The following TIAM1 variants were observed in gnomAD, a reference collection of about 807,000 sequenced individuals.
TIAM1 encodes the protein rho guanine nucleotide exchange factor TIAM1.
In TIAM1, 65 loss-of-function variants were observed where a neutral mutation model predicts 163.5. The ratio of observed to expected loss-of-function variants is 0.40; its 90% CI spans 0.33 to 0.49. The LOEUF (loss-of-function observed/expected upper bound fraction) is 0.49. TIAM1 is among the 20% of genes least tolerant of loss of function. TIAM1 has a pLI of 0.77. For synonymous variants in TIAM1, 833 were observed against 810.1 expected (o/e 1.03, Z -0.48); for missense variants, 1,789 against 2,044.7 (o/e 0.87, Z 2.41).
Position 31,377,822 on chromosome 21 carries a change from T to A in TIAM1, c.-368-38400A>T, listed in dbSNP as rs2076713195. Among the ~76,000 whole-genome samples the A allele has an allele frequency of 1.2e-4, 18 of 149,878 alleles. No individual in the cohort carries two copies. The South Asian group carries it at 3.8e-3, about 32-fold the overall frequency. ...GTCAGCAGCTACATTTTTCACTGTG[T>A]CCATTGAGGAATAAGAAAAAAAAAA... On this transcript the variant is annotated intron_variant, in intron 2 of 28. Coordinates refer to the TIAM1 transcript ENST00000286827.
chr21:31,386,581 T>C (rs2076875606), intron 2 of TIAM1, among the ~76,000 whole-genome samples: 1 of 152,168 alleles, frequency 6.6e-6, no homozygotes, highest in Non-Finnish European at 1.5e-5. Context: ...GTGAGGCTAT[T>C]TCTCCCTGAG....
chr21:31,386,594 G>T (rs1367824869), intron 2 of TIAM1, among the ~76,000 whole-genome samples: 1 of 152,116 alleles, frequency 6.6e-6, no homozygotes, highest in East Asian at 1.9e-4. Context: ...TCCCTGAGGG[G>T]ACTACTTGGG....
chr21:31,196,032 C>T (rs2085834047), intron 12 of TIAM1, among the ~76,000 whole-genome samples: 1 of 152,068 alleles, frequency 6.6e-6, no homozygotes, highest in South Asian at 2.1e-4. Flanking sequence ...TCTGACAAAG[C>T]TGTAATATCC....
At chr21:31,554,501 C>T (rs544574233) in intron 1 of TIAM1, among the ~76,000 whole-genome samples, 1 of 152,252 alleles carries the variant, frequency 6.6e-6, no homozygotes, top group African/African-American at 2.4e-5. Context: ...GCCCCCACTC[C>T]AACTACACCC....
At chr21:31,469,427 A>G (rs1181821914) in intron 1 of TIAM1, among the ~76,000 whole-genome samples, 1 of 151,938 alleles carries the variant, frequency 6.6e-6, no homozygotes, top group African/African-American at 2.4e-5. Context: ...CTCCGTGAAA[A>G]CACTTTCTCT....
At chr21:31,275,923 G>A (rs1012139218) in intron 3 of TIAM1, among the ~76,000 whole-genome samples, 1 of 151,932 alleles carries the variant, frequency 6.6e-6, no homozygotes, top group African/African-American at 2.4e-5. Context: ...ACTCCCCTGA[G>A]GTATTTAAAA....
chr21:31,368,967 T>C (rs904587460), intron 2 of TIAM1, among the ~76,000 whole-genome samples: 14 of 152,042 alleles, frequency 9.2e-5, no homozygotes, highest in African/African-American at 1.4e-4. Flanking sequence ...AGGTCGGGCG[T>C]GGTGGCTCAC....
At chr21:31,537,504 C>T (rs1167220301) in intron 1 of TIAM1, among the ~76,000 whole-genome samples, 1 of 151,228 alleles carries the variant, frequency 6.6e-6, no homozygotes, top group African/African-American at 2.4e-5. Context: ...GTTATCCCAG[C>T]ACTTTGGGAG....
chr21:31,322,454 G>C (rs1418583618), intron 2 of TIAM1, among the ~76,000 whole-genome samples: 1 of 143,568 alleles, frequency 7.0e-6, no homozygotes, highest in Non-Finnish European at 1.5e-5. Context: ...TGGGTGGGGG[G>C]GGGTGCCATC....
intron 23 of TIAM1, among the ~76,000 whole-genome samples, chr21:31,134,349 A>G (rs2082534905): frequency 6.6e-6 from 1 of 152,148 alleles, no homozygotes; most frequent in African/African-American, 2.4e-5. Flanking sequence ...AGAAGAAATC[A>G]CTATAGAAGA....
intron 2 of TIAM1, among the ~76,000 whole-genome samples, chr21:31,413,735 T>C (rs1448901340): frequency 2.0e-5 from 3 of 152,228 alleles, no homozygotes; most frequent in Non-Finnish European, 4.4e-5. Context: ...ACAGATATGC[T>C]GTTTCTTGAT....
In TIAM1 at chr21:31,421,554, G is replaced by A. The variant is rs187496945; in HGVS notation, c.-369+42429C>T. Among the ~76,000 whole-genome samples the A allele has an allele frequency of 8.4e-4, 128 of 152,272 alleles. 1 individual carries two copies. Among genetic ancestry groups the A allele is most frequent in the Non-Finnish European group, 1.5e-3 (104 of 68,030 alleles). On this transcript the variant is annotated intron_variant, in intron 2 of 28. Coordinates refer to the TIAM1 transcript ENST00000286827. ...GGCGCACGCGAGGGATCTAGGTTGC[G>A]CACTCCTTATGAGAATCGAATGCCG...
chr21:31,235,701 T>G (rs2088712842), intron 6 of TIAM1, among the ~76,000 whole-genome samples: 1 of 152,236 alleles, frequency 6.6e-6, no homozygotes, highest in Non-Finnish European at 1.5e-5. Context: ...ATGCTGATAT[T>G]GATTTAATAC....
chr21:31,285,331 G>C (rs973413284), intron 2 of TIAM1, among the ~76,000 whole-genome samples: 1 of 152,174 alleles, frequency 6.6e-6, no homozygotes, highest in South Asian at 2.1e-4. Flanking sequence ...TTGGCAACAA[G>C]GGCTGGGACT....
rs1307652427 is a variant in TIAM1, at chr21:31,184,379, TA to T, written c.2663-1735del. ...CCTTGGCCTCCCAAAGTGCTGGGAT[TA>T]CAGGTGTGAGCCACCGTGCCCGGCC... On this transcript the variant is annotated intron_variant, in intron 14 of 27. Coordinates refer to ENST00000541036, the MANE Select transcript of TIAM1 (RefSeq NM_001353694.2). Among the ~76,000 whole-genome samples the T allele has an allele frequency of 2.0e-3, 311 of 152,312 alleles. 3 individuals are homozygous for T. The highest frequency in any genetic ancestry group is 6.9e-3 in the African/African-American group (286 of 41,574).
At chr21:31,406,715 G>T (rs1051394543) in intron 2 of TIAM1, among the ~76,000 whole-genome samples, 11 of 152,088 alleles carry the variant, frequency 7.2e-5, no homozygotes, top group Non-Finnish European at 4.4e-5. Context: ...CAGCCCTGTA[G>T]GTAGAACTTA....
chr21:31,527,913 C>T (rs1428024020), intron 1 of TIAM1, among the ~76,000 whole-genome samples: 1 of 152,076 alleles, frequency 6.6e-6, no homozygotes, highest in East Asian at 1.9e-4. Flanking sequence ...TGTCTTGCTT[C>T]TCCCTACACA....
intron 1 of TIAM1, among the ~76,000 whole-genome samples, chr21:31,513,955 C>T (rs888399632): frequency 3.3e-5 from 5 of 152,100 alleles, no homozygotes; most frequent in Non-Finnish European, 7.4e-5. Context: ...TGTAGTGAGC[C>T]GAGATGGTGC....
intron 2 of TIAM1, among the ~76,000 whole-genome samples, chr21:31,322,997 GA>G (rs1239099857): frequency 6.6e-6 from 1 of 152,120 alleles, no homozygotes; most frequent in African/African-American, 2.4e-5. Flanking sequence ...CCAAAGTAAA[GA>G]AAGATGAGAG....
Sources: allele counts gnomAD v4.1 joint callset (sites outside exome capture counted in the v4.1 genomes callset), GRCh38; gene constraint gnomAD v4.1.1; transcripts MANE v1.5; gene names NCBI Gene and HGNC (gene_info 2026-07-23, HGNC 2026-07-21).